Variants in ADGRB3 observed in about 807,000 individuals in gnomAD.
The protein encoded by ADGRB3 is brain-specific angiogenesis inhibitor 3.
Under a neutral mutation model 193.4 loss-of-function variants are expected in ADGRB3, and 37 were observed. The ratio of observed to expected loss-of-function variants is 0.19; its 90% CI spans 0.15 to 0.25. The LOEUF is 0.25. Among genes scored for constraint, ADGRB3 ranks in the 10% least tolerant of loss-of-function variants. The pLI is 1.00. For missense variants in ADGRB3, 1,637 were observed against 1,852.9 expected, an observed-to-expected ratio of 0.88 and a Z score of 2.14; for synonymous variants, 690 against 644.2, an observed-to-expected ratio of 1.07 and a Z score of -1.08.
chr6:68,743,685 C>A (rs1430417685), intron 3 of ADGRB3, among the ~76,000 whole-genome samples: 1 of 152,020 alleles, frequency 6.6e-6, no homozygotes. Flanking sequence ...ACACTCAGAA[C>A]TTGCCAGAAA....
chr6:69,178,223 T>A (rs1451029307), intron 17 of ADGRB3, among the ~76,000 whole-genome samples: 1 of 152,186 alleles, frequency 6.6e-6, no homozygotes, highest in Non-Finnish European at 1.5e-5. Context: ...TGGTTTAAAG[T>A]CTTTTTTATC....
At chr6:69,116,230 G>A in intron 17 of ADGRB3, among the ~76,000 whole-genome samples, 1 of 152,120 alleles carries the variant, frequency 6.6e-6, no homozygotes, top group Non-Finnish European at 1.5e-5. Flanking sequence ...AAAGTCAACT[G>A]CCTATAAATG....
intron 17 of ADGRB3, among the ~76,000 whole-genome samples, chr6:69,134,565 G>A (rs975952462): frequency 2.0e-5 from 3 of 152,044 alleles, no homozygotes; most frequent in African/African-American, 7.2e-5. Flanking sequence ...AAGTTAGGCA[G>A]TTTGGAAAGA....
At chr6:68,923,905 T>A (rs1017182735) in intron 3 of ADGRB3, among the ~76,000 whole-genome samples, 5 of 152,074 alleles carry the variant, frequency 3.3e-5, no homozygotes, top group African/African-American at 1.2e-4. Flanking sequence ...AGAAACACAT[T>A]AGCAACAAGG....
At chr6:69,128,662 A>G (rs550855658) in intron 17 of ADGRB3, among the ~76,000 whole-genome samples, 3 of 152,300 alleles carry the variant, frequency 2.0e-5, no homozygotes, top group South Asian at 4.1e-4. Context: ...CACAATAAAA[A>G]TGTAAATGAA....
intron 3 of ADGRB3, among the ~76,000 whole-genome samples, chr6:68,673,998 A>G (rs1400853845): frequency 6.6e-6 from 1 of 152,154 alleles, no homozygotes; most frequent in African/African-American, 2.4e-5. Flanking sequence ...TTCTTATACT[A>G]TAAAATAAGG....
At chr6:69,341,027 T>A (rs549110657) in intron 26 of ADGRB3, among the ~76,000 whole-genome samples, 9 of 152,352 alleles carry the variant, frequency 5.9e-5, no homozygotes, top group Admixed American at 2.6e-4. Context: ...GATGGGCATT[T>A]GGATTGGTTC....
chr6:68,672,597 G>T lies in ADGRB3; in HGVS notation c.757+33165G>T, dbSNP rs191237596. On this transcript the variant is annotated intron_variant, in intron 3 of 31. Transcript: ENST00000370598. ...CTTTGGTAGCAAAGATCACAGGGCT[G>T]CCTGGTATACAGGAGTGCGCAATAT... is the stretch of plus-strand genomic sequence containing the variant. 3.2e-3 allele frequency among the ~76,000 whole-genome samples: 489 copies of T among 152,094 alleles called. 3 individuals carry two copies. The highest frequency in any genetic ancestry group is 0.011 in the African/African-American group (466 of 41,528).
intron 20 of ADGRB3, among the ~76,000 whole-genome samples, chr6:69,254,238 T>G (rs2127268463): frequency 6.6e-6 from 1 of 152,282 alleles, no homozygotes; most frequent in Middle Eastern, 3.4e-3. Flanking sequence ...ATTTAGCCCC[T>G]TTTAAACTGC....
At chr6:69,140,501 G>A (rs1207873273) in intron 17 of ADGRB3, among the ~76,000 whole-genome samples, 1 of 152,152 alleles carries the variant, frequency 6.6e-6, no homozygotes, top group Non-Finnish European at 1.5e-5. Context: ...AGCTGGGAGA[G>A]GTGGTGGTGG....
Position 69,355,742 on chromosome 6 carries a change from T to G in ADGRB3, c.3556-79T>G, listed in dbSNP as rs1001782551. On this transcript the variant is annotated intron_variant, in intron 27 of 31. Coordinates refer to ENST00000370598, the MANE Select transcript of ADGRB3 (RefSeq NM_001704.3). ...ACTGCCAAGTTAGATATCTGTAAAC[T>G]TCAGATAATCTGATTAGTAAAAGAC... 2.6e-6 allele frequency: 3 copies of G among 1,172,272 alleles called. No individual in the cohort carries two copies. In the African/African-American group the frequency reaches 4.6e-5, roughly 18 times the overall value. 72.6% of individuals were successfully genotyped at this position (1,172,272 alleles called of 1,614,324 possible).
chr6:68,967,365 T>C (rs1404181173), intron 8 of ADGRB3, among the ~76,000 whole-genome samples: 3 of 152,198 alleles, frequency 2.0e-5, no homozygotes, highest in African/African-American at 7.2e-5. Context: ...AAACAACTAT[T>C]TAATCAGCTT....
At chr6:68,690,509 C>T (rs1765055323) in intron 3 of ADGRB3, among the ~76,000 whole-genome samples, 1 of 152,034 alleles carries the variant, frequency 6.6e-6, no homozygotes, top group South Asian at 2.1e-4. Context: ...GATCAAATTT[C>T]TGTATATTTT....
At chr6:69,106,358 T>TTTAA (rs1773216422) in intron 17 of ADGRB3, among the ~76,000 whole-genome samples, 1 of 152,180 alleles carries the variant, frequency 6.6e-6, no homozygotes, top group Non-Finnish European at 1.5e-5. Flanking sequence ...GTACAAGCTG[T>TTTAA]TTAATTAAAC....
intron 3 of ADGRB3, among the ~76,000 whole-genome samples, chr6:68,801,603 C>T (rs1265580836): frequency 3.3e-5 from 5 of 152,088 alleles, no homozygotes; most frequent in Middle Eastern, 3.4e-3. Context: ...GCAAGAGAAT[C>T]GTTTGAACGC....
chr6:69,354,401 TA>T, intron 27 of ADGRB3, 73 bp downstream of exon 27: 1 of 1,242,430 alleles, frequency 8.0e-7, no homozygotes. Flanking sequence ...TCCTTATGAG[TA>T]AAATAGTGTA....
At chr6:69,218,272 A>C (rs533197150) in intron 17 of ADGRB3, among the ~76,000 whole-genome samples, 13 of 152,274 alleles carry the variant, frequency 8.5e-5, no homozygotes, top group South Asian at 2.1e-4. Flanking sequence ...TTTAAATAAC[A>C]GTCCAATCTT....
intron 17 of ADGRB3, among the ~76,000 whole-genome samples, chr6:69,158,435 C>CAAAAAAAAA (rs371530711): frequency 6.8e-6 from 1 of 146,328 alleles, no homozygotes. Flanking sequence ...AAAGTTCAGC[C>CAAAAAAAAA]AAAAAAAAAA....
intron 13 of ADGRB3, among the ~76,000 whole-genome samples, chr6:69,037,728 C>G (rs988934516): frequency 1.4e-4 from 22 of 151,934 alleles, no homozygotes; most frequent in Admixed American, 1.3e-4. Flanking sequence ...ATTTATTTCC[C>G]TTTATCCTCT....
Sources: allele counts gnomAD v4.1 joint callset (sites outside exome capture counted in the v4.1 genomes callset), GRCh38; gene constraint gnomAD v4.1.1; transcripts MANE v1.5; gene names NCBI Gene and HGNC (gene_info 2026-07-23, HGNC 2026-07-21).